Variants in CSMD1 observed in about 807,000 individuals in gnomAD.
CSMD1 encodes CUB and Sushi multiple domains 1.
A neutral mutation model predicts 417.5 loss-of-function variants in CSMD1; 213 were observed. That is an observed-to-expected ratio of 0.51 (90% CI 0.46 to 0.57). The LOEUF is 0.57. CSMD1 is among the 20% of genes least tolerant of loss of function. The probability of loss-of-function intolerance (pLI) is 0.00; values close to 1 mark genes in which losing one functional copy is unlikely to be tolerated. For missense variants in CSMD1, 6,923 were observed against 4,529.7 expected, an observed-to-expected ratio of 1.53 and a Z score of -15.17; for synonymous variants, 2,862 against 1,736.8, an observed-to-expected ratio of 1.65 and a Z score of -16.11.
intron 4 of CSMD1, among the ~76,000 whole-genome samples, chr8:4,029,395 C>A (rs1174495682): frequency 6.6e-6 from 1 of 152,194 alleles, no homozygotes; most frequent in Non-Finnish European, 1.5e-5. Context: ...GCCTCACAAT[C>A]ATGGTGGAAG....
chr8:3,375,187 G>C (rs912587189), intron 18 of CSMD1: 3 of 152,068 alleles, frequency 2.0e-5, no homozygotes, highest in African/African-American at 7.2e-5. Flanking sequence ...CAGGTTTCTC[G>C]GGATGTCACC....
intron 65 of CSMD1, 58 bp from the exon 66 acceptor site, chr8:2,951,333 CATT>C: frequency 6.6e-7 from 1 of 1,508,154 alleles, no homozygotes; most frequent in Non-Finnish European, 8.9e-7. Context: ...TAAATTCAGA[CATT>C]ATTAAACACA....
At chr8:4,008,583 A>C (rs1461703971) in intron 4 of CSMD1, among the ~76,000 whole-genome samples, 2 of 90,438 alleles carry the variant, frequency 2.2e-5, no homozygotes, top group Admixed American at 1.1e-4. Flanking sequence ...ATGATTCAGT[A>C]TTTTCTTTCT....
At chr8:3,976,202 A>G (rs1813425517) in intron 5 of CSMD1, among the ~76,000 whole-genome samples, 1 of 152,150 alleles carries the variant, frequency 6.6e-6, no homozygotes, top group African/African-American at 2.4e-5. Context: ...TTTTAAAATG[A>G]CATATGTACT....
chr8:4,422,103 C>G (rs1428669268), intron 2 of CSMD1, among the ~76,000 whole-genome samples: 1 of 152,026 alleles, frequency 6.6e-6, no homozygotes, highest in South Asian at 2.1e-4. Flanking sequence ...TGAAAAAATA[C>G]ATAATATGAA....
intron 3 of CSMD1, among the ~76,000 whole-genome samples, chr8:4,279,663 G>T (rs142489809): frequency 6.6e-6 from 1 of 152,078 alleles, no homozygotes; most frequent in African/African-American, 2.4e-5. Flanking sequence ...TCTTAACCCT[G>T]TTCAACTTAT....
intron 1 of CSMD1, among the ~76,000 whole-genome samples, chr8:4,701,003 G>C (rs1389970362): frequency 6.6e-6 from 1 of 152,096 alleles, no homozygotes; most frequent in African/African-American, 2.4e-5. Flanking sequence ...TAGGAGCTGG[G>C]GTTTATCGGT....
intron 5 of CSMD1, among the ~76,000 whole-genome samples, chr8:3,810,636 G>C (rs1047570651): frequency 2.0e-5 from 3 of 152,178 alleles, no homozygotes; most frequent in Admixed American, 1.3e-4. Context: ...GGGGACTGGA[G>C]TCTTTAGTTT....
Position 3,997,918 on chromosome 8 carries a change from T to A in CSMD1, c.803A>T (p.Glu268Val). ...GYDFLEISGT[E>V]APSIWLTGMN... ...CGGGACTTACCATATGGATGGAGCT[T>A]CCGTGCCACTGATCTCTAAGAAATC... The change falls in exon 5 of 70, where the codon GAA becomes GTA. Residue 268 changes from glutamate (E) to valine (V), a missense_variant. By Grantham distance (121) the Glu-to-Val change is moderately radical. Coordinates refer to ENST00000635120, the MANE Select transcript of CSMD1 (RefSeq NM_033225.6). The A allele has an allele frequency of 6.2e-7, 1 of 1,612,170 alleles. No individual in the cohort carries two copies. The highest frequency in any genetic ancestry group is 8.5e-7 in the Non-Finnish European group (1 of 1,179,134).
rs756556655 is a variant in CSMD1, at chr8:4,295,750, GTATATATATATATA to G, written c.415+124189_415+124202del. Among the ~76,000 whole-genome samples, 111 of 34,248 alleles carry G rather than the reference GTATATATATATATA, an allele frequency of 3.2e-3. 2 individuals carry two copies. Among genetic ancestry groups the G allele is most frequent in the African/African-American group, 6.8e-3 (107 of 15,740 alleles). 22.5% of individuals were successfully genotyped at this position (34,248 alleles called of 152,430 possible). A position where few individuals can be genotyped will look rare whatever the true frequency, so the allele number is the denominator to read the frequency against. On this transcript the variant is annotated intron_variant, in intron 3 of 69. Transcript: ENST00000635120. ...TCTGTGTGTGTGTATATGTGTGTGTGTATATATATATATATATATATATATATATATATATATAC... is the reference window on the plus strand; with the variant it reads ...TCTGTGTGTGTGTATATGTGTGTGTGTATATATATATATATATATATATAC...
At chr8:4,924,301 G>A (rs761858834) in intron 1 of CSMD1, among the ~76,000 whole-genome samples, 1 of 152,160 alleles carries the variant, frequency 6.6e-6, no homozygotes, top group Non-Finnish European at 1.5e-5. Flanking sequence ...TTTCATCCCA[G>A]TATCCTAATT....
intron 3 of CSMD1, among the ~76,000 whole-genome samples, chr8:4,161,886 G>C (rs922193567): frequency 4.6e-5 from 7 of 152,142 alleles, no homozygotes; most frequent in African/African-American, 1.7e-4. Context: ...TTTTATAATG[G>C]TTCAGTAAGT....
intron 49 of CSMD1, among the ~76,000 whole-genome samples, chr8:3,080,871 T>C (rs1229455151): frequency 1.4e-4 from 21 of 152,208 alleles, no homozygotes; most frequent in Admixed American, 1.3e-3. Flanking sequence ...CCTCACAATG[T>C]ATCCTCCAAT....
chr8:4,506,721 G>A (rs1376494850), intron 2 of CSMD1, among the ~76,000 whole-genome samples: 2 of 152,138 alleles, frequency 1.3e-5, no homozygotes, highest in African/African-American at 2.4e-5. Flanking sequence ...CTTTCCTTCA[G>A]AGTGTATTGT....
intron 50 of CSMD1, among the ~76,000 whole-genome samples, chr8:3,035,350 G>T (rs1249687373): frequency 6.6e-6 from 1 of 152,118 alleles, no homozygotes; most frequent in Non-Finnish European, 1.5e-5. Flanking sequence ...CACTGAGACA[G>T]AAAAGGAGGG....
At chr8:3,209,231 T>C (rs916609742) in intron 30 of CSMD1, among the ~76,000 whole-genome samples, 4 of 152,208 alleles carry the variant, frequency 2.6e-5, no homozygotes, top group African/African-American at 9.6e-5. Flanking sequence ...ATACGTTTCA[T>C]ACATGAACAA....
intron 3 of CSMD1, among the ~76,000 whole-genome samples, chr8:4,316,884 T>C (rs1172223681): frequency 1.3e-5 from 2 of 152,080 alleles, no homozygotes; most frequent in Non-Finnish European, 2.9e-5. Context: ...ACTCCAAATC[T>C]TGGGGTGGGG....
At chr8:4,355,029 G>T (rs949953607) in intron 3 of CSMD1, among the ~76,000 whole-genome samples, 1 of 151,892 alleles carries the variant, frequency 6.6e-6, no homozygotes, top group African/African-American at 2.4e-5. Flanking sequence ...TTGGGAGGCC[G>T]AGGCGGGCGG....
chr8:3,349,316 A>G (rs527625454), intron 21 of CSMD1, among the ~76,000 whole-genome samples: 18 of 152,294 alleles, frequency 1.2e-4, no homozygotes, highest in African/African-American at 4.3e-4. Context: ...GAACACAATC[A>G]GCTACATCAC....
Sources: gnomAD v4.1 joint callset for allele counts (sites outside exome capture counted in the v4.1 genomes callset) on GRCh38, gnomAD v4.1.1 for gene constraint, MANE v1.5 for transcripts, NCBI Gene and HGNC (gene_info 2026-07-23, HGNC 2026-07-21) for gene names.